The following DNAH8 variants were observed in gnomAD, a reference collection of about 807,000 sequenced individuals.
The protein encoded by DNAH8 is axonemal beta dynein heavy chain 8.
A neutral mutation model predicts 562.1 loss-of-function variants in DNAH8; 382 were observed. The ratio of observed to expected loss-of-function variants is 0.68; its 90% confidence interval spans 0.63 to 0.74. DNAH8 has a LOEUF of 0.74. Among genes scored for constraint, DNAH8 ranks in the 30% least tolerant of loss-of-function variants. DNAH8 has a pLI of 0.00. For synonymous variants in DNAH8, 1,881 were observed against 1,919.4 expected (o/e 0.98, Z 0.52); for missense variants, 5,203 against 5,620.4 (o/e 0.93, Z 2.37).
At chr6:38,986,378 A>G (rs928219428) in intron 87 of DNAH8, among the ~76,000 whole-genome samples, 6 of 152,250 alleles carry the variant, frequency 3.9e-5, no homozygotes, top group African/African-American at 1.4e-4. Context: ...GAATATATGC[A>G]TAGTTCACAA....
intron 91 of DNAH8, among the ~76,000 whole-genome samples, chr6:39,019,513 C>G (rs927130529): frequency 1.3e-5 from 2 of 152,132 alleles, no homozygotes; most frequent in Admixed American, 6.5e-5. Flanking sequence ...TCTGTTGAGG[C>G]TCTTCATGGT....
rs1322480374 is a variant in DNAH8 at position 38,866,444 on chromosome 6, C to T, written c.6499-147C>T. On this transcript the variant is annotated intron_variant, in intron 45 of 92. Transcript: ENST00000327475. ...AAATATTAATATACATGGTCTAATA[C>T]ATATTGTTTTGAGAAAACAAGAGTA... The T allele has an allele frequency of 1.0e-5, 6 of 600,140 alleles. No individual in the cohort carries two copies. In the East Asian group the frequency reaches 1.7e-4, roughly 17 times the overall value. 37.2% of individuals were successfully genotyped at this position (600,140 alleles called of 1,614,324 possible).
At chr6:38,776,179 A>G (rs1768049298) in intron 13 of DNAH8, among the ~76,000 whole-genome samples, 1 of 151,766 alleles carries the variant, frequency 6.6e-6, no homozygotes, top group South Asian at 2.1e-4. Flanking sequence ...GACATCAGAG[A>G]GTAACTAGAA....
chr6:38,833,596 C>A lies in DNAH8; in HGVS notation c.4303-983C>A, dbSNP rs536369412. The stretch of plus-strand genomic sequence containing the variant: ...AAACAGCTTAACTAATCAGAAGCCG[C>A]AAACAAGCCCATAATTATATAACTG... On this transcript the variant is annotated intron_variant, in intron 31 of 92. Transcript: ENST00000327475. Among the ~76,000 whole-genome samples, 492 of 152,252 alleles carry A rather than the reference C, an allele frequency of 3.2e-3. 3 individuals are homozygous for A. Among genetic ancestry groups the A allele is most frequent in the African/African-American group, 0.011 (472 of 41,540 alleles).
intron 82 of DNAH8, 77 bp from the exon 83 acceptor site, chr6:38,971,515 T>C: frequency 1.1e-6 from 1 of 901,432 alleles, no homozygotes; most frequent in African/African-American, 1.7e-5. Flanking sequence ...GCTATAATCA[T>C]TCAGAAATTA....
At chr6:38,982,515 G>T in intron 86 of DNAH8, 53 bp downstream of exon 86, 8 of 973,668 alleles carry the variant, frequency 8.2e-6, no homozygotes, top group Non-Finnish European at 1.3e-5. Flanking sequence ...TTAAATCAGG[G>T]TTCTACAGTC....
chr6:38,906,326 C>T lies in DNAH8; in HGVS notation c.9267C>T (p.Gly3089=), dbSNP rs1282458788. 2 of 1,608,696 alleles carry T rather than the reference C, an allele frequency of 1.2e-6. No individual in the cohort carries two copies. Among genetic ancestry groups the T allele is most frequent in the Non-Finnish European group, 1.7e-6 (2 of 1,176,188 alleles). Residue 3089 remains glycine (G), a synonymous_variant, in exon 63 of 93, where the codon GGC becomes GGT. Transcript: ENST00000327475. ...AAGTTGCTGGTGCTGATGGAAAAGG[C>T]ATCACTTTCATCTTTACTGACAGTG... ...LYKVAGADGK[G]ITFIFTDSEI... is the part of the protein sequence containing the mutation.
intron 70 of DNAH8, 114 bp downstream of exon 70, chr6:38,918,254 T>C: frequency 1.4e-6 from 1 of 701,232 alleles, no homozygotes; most frequent in East Asian, 2.7e-5. Flanking sequence ...GATGTCCCTG[T>C]TACCAAATTT....
At chr6:39,013,856 G>GAGAGAGAGAGAGAGAA (rs879764194) in intron 91 of DNAH8, among the ~76,000 whole-genome samples, 281 of 108,334 alleles carry the variant, frequency 2.6e-3, no homozygotes, top group Non-Finnish European at 4.9e-3. Context: ...ATCTAAAAAA[G>GAGAGAGAGAGAGAGAA]AGAGAGAGAG....
intron 85 of DNAH8, among the ~76,000 whole-genome samples, chr6:38,979,015 ACT>A (rs1220079312): frequency 1.4e-4 from 22 of 152,352 alleles, no homozygotes; most frequent in East Asian, 3.9e-4. Context: ...GCACGTGACC[ACT>A]GAGTTGCTGC....
In DNAH8 at chr6:38,863,582, T is replaced by C. The variant is rs117544098; in HGVS notation, c.6311-291T>C. 4.7e-4 allele frequency among the ~76,000 whole-genome samples: 71 copies of C among 152,344 alleles called. No homozygotes were observed. In the East Asian group the frequency reaches 6.6e-3, roughly 14 times the overall value. Reference sequence around the variant, plus strand: ...ATCCTTTACTCCGCTCTTTCTCTTATACTCAGATCCAATCTGTCAGCAAAC... The same window carrying C: ...ATCCTTTACTCCGCTCTTTCTCTTACACTCAGATCCAATCTGTCAGCAAAC... On this transcript the variant is annotated intron_variant, in intron 44 of 92. Transcript: ENST00000327475.
intron 83 of DNAH8, 152 bp from the exon 84 acceptor site, chr6:38,973,509 G>A (rs566830400): frequency 1.7e-6 from 1 of 595,524 alleles, no homozygotes; most frequent in South Asian, 2.4e-5. Context: ...TTGTACCATA[G>A]CAGGAGAAAT....
intron 87 of DNAH8, among the ~76,000 whole-genome samples, chr6:38,985,387 T>C (rs1225230443): frequency 6.6e-6 from 1 of 152,214 alleles, no homozygotes; most frequent in Non-Finnish European, 1.5e-5. Context: ...TAAATGATTC[T>C]TTTTTCTTGA....
rs1217517467 is a variant in DNAH8 at position 38,990,166 on chromosome 6, A to T, written c.13208A>T (p.Asp4403Val). 1.2e-6 allele frequency: 2 copies of T among 1,600,084 alleles called. No individual in the cohort carries two copies. The highest frequency in any genetic ancestry group is 1.7e-6 in the Non-Finnish European group (2 of 1,173,432). The change falls in exon 88 of 93, where the codon GAT (aspartate) becomes GTT (valine). Residue 4403 changes from aspartate to valine, a missense_variant. By Grantham distance (152) the Asp-to-Val change is radical. Transcript: ENST00000327475. ...GTCTTTGGGCTTCACCCTAATGCTG[A>T]TATCACGTAAGTCCCTGGCATTTTT... ...PEVFGLHPNADITYQSNTASA... is the reference protein window; with the variant it reads ...PEVFGLHPNAVITYQSNTASA...
At chr6:38,881,763 C>T in intron 53 of DNAH8, among the ~76,000 whole-genome samples, 1 of 152,084 alleles carries the variant, frequency 6.6e-6, no homozygotes, top group East Asian at 1.9e-4. Flanking sequence ...GTTGGTCAGG[C>T]TGGTCGCGAA....
intron 57 of DNAH8, among the ~76,000 whole-genome samples, chr6:38,889,012 A>G (rs1440561825): frequency 2.0e-5 from 3 of 152,210 alleles, no homozygotes; most frequent in East Asian, 1.9e-4. Flanking sequence ...TTTGCCTTCC[A>G]TATCTGGGGC....
chr6:38,847,200 G>A (rs187235756), intron 36 of DNAH8, among the ~76,000 whole-genome samples: 24 of 152,238 alleles, frequency 1.6e-4, no homozygotes, highest in Non-Finnish European at 3.1e-4. Flanking sequence ...TGGTGGGTTT[G>A]ACCACACAAA....
intron 74 of DNAH8, among the ~76,000 whole-genome samples, chr6:38,928,996 C>T (rs1373145242): frequency 3.3e-5 from 5 of 152,154 alleles, no homozygotes; most frequent in East Asian, 1.9e-4. Flanking sequence ...GTTGACTTTA[C>T]GGAAAGTGTT....
At chr6:38,798,577 C>T (rs1770507164) in intron 21 of DNAH8, among the ~76,000 whole-genome samples, 1 of 152,198 alleles carries the variant, frequency 6.6e-6, no homozygotes, top group Non-Finnish European at 1.5e-5. Context: ...AGGAAGGTGG[C>T]TGAGCCATTG....
Sources: allele counts gnomAD v4.1 joint callset (sites outside exome capture counted in the v4.1 genomes callset), GRCh38; gene constraint gnomAD v4.1.1; transcripts MANE v1.5; gene names NCBI Gene and HGNC (gene_info 2026-07-23, HGNC 2026-07-21).